Variants in XKR9 observed in about 807,000 individuals in gnomAD.
XKR9 encodes XK related 9.
A neutral mutation model predicts 32.0 loss-of-function variants in XKR9; 32 were observed. That is an observed-to-expected ratio of 1.00 (90% CI 0.76 to 1.34). The LOEUF (loss-of-function observed/expected upper bound fraction) is 1.34, where lower values mean the gene tolerates loss of function less well. Among genes scored for constraint, XKR9 ranks in the 40% most tolerant of loss-of-function variants. The probability of loss-of-function intolerance (pLI) is 0.00; values close to 1 mark genes in which losing one functional copy is unlikely to be tolerated. For synonymous variants in XKR9, 168 were observed against 143.4 expected (o/e 1.17, Z -1.22); for missense variants, 546 against 429.7 (o/e 1.27, Z -2.39).
At chr8:70,712,479 C>T (rs1805951508) in intron 4 of XKR9, among the ~76,000 whole-genome samples, 1 of 152,040 alleles carries the variant, frequency 6.6e-6, no homozygotes, top group Non-Finnish European at 1.5e-5. Context: ...TCAGGGTCCT[C>T]ACAACCTTGG....
the XKR9 span, among the ~76,000 whole-genome samples, chr8:70,901,409 G>A: frequency 6.6e-6 from 1 of 152,174 alleles, no homozygotes; most frequent in Admixed American, 6.5e-5. Context: ...CTGATGGCCA[G>A]TGATGATGAG....
the XKR9 span, among the ~76,000 whole-genome samples, chr8:70,975,032 G>T: frequency 1.3e-5 from 2 of 152,172 alleles, no homozygotes; most frequent in African/African-American, 2.4e-5. Context: ...CTGCATAGAT[G>T]TCTTCTTTTG....
chr8:70,774,768 G>C (rs1004193465), intron 2 of XKR9, among the ~76,000 whole-genome samples: 2 of 152,250 alleles, frequency 1.3e-5, no homozygotes, highest in South Asian at 2.1e-4. Flanking sequence ...CCTTAGGCTA[G>C]TGCACACTGT....
chr8:70,732,369 A>G (rs557170620), intron 4 of XKR9, among the ~76,000 whole-genome samples: 2 of 152,220 alleles, frequency 1.3e-5, no homozygotes, highest in Non-Finnish European at 2.9e-5. Flanking sequence ...TTTCCGTATT[A>G]CAATTAAATC....
At chr8:70,818,978 C>T in the XKR9 span, among the ~76,000 whole-genome samples, 2 of 152,170 alleles carry the variant, frequency 1.3e-5, no homozygotes, top group Non-Finnish European at 2.9e-5. Flanking sequence ...TAGTAATGTG[C>T]CTCTAAGGAC....
chr8:70,901,035 C>T, the XKR9 span, among the ~76,000 whole-genome samples: 6 of 152,184 alleles, frequency 3.9e-5, no homozygotes, highest in African/African-American at 9.7e-5. Context: ...ATATGTGCCA[C>T]GTTTTCTTAA....
At chr8:70,876,214 C>T in the XKR9 span, among the ~76,000 whole-genome samples, 2 of 134,562 alleles carry the variant, frequency 1.5e-5, no homozygotes, top group Non-Finnish European at 1.5e-5. Context: ...TCAGAAGATT[C>T]GTTCTTTTTT....
the XKR9 span, among the ~76,000 whole-genome samples, chr8:70,938,895 GTT>G: frequency 1.3e-5 from 2 of 151,250 alleles, no homozygotes; most frequent in East Asian, 1.9e-4. Context: ...CAGCTGTAGT[GTT>G]TCATGATGTC....
the XKR9 span, among the ~76,000 whole-genome samples, chr8:70,887,894 T>C: frequency 6.6e-6 from 1 of 152,140 alleles, no homozygotes; most frequent in Non-Finnish European, 1.5e-5. Context: ...CTTCCTCTCT[T>C]CCTATTTGAA....
chr8:70,728,183 G>T (rs1040991425), intron 4 of XKR9, among the ~76,000 whole-genome samples: 2 of 152,160 alleles, frequency 1.3e-5, no homozygotes, highest in Admixed American at 6.5e-5. Context: ...GATGGAGTTG[G>T]TTAGGTCAGG....
the XKR9 span, among the ~76,000 whole-genome samples, chr8:70,865,500 C>A: frequency 1.3e-5 from 2 of 151,054 alleles, no homozygotes; most frequent in Non-Finnish European, 2.9e-5. Flanking sequence ...AATAATTTTG[C>A]AATTGTATTT....
At chr8:70,948,483 T>C in the XKR9 span, among the ~76,000 whole-genome samples, 1 of 151,982 alleles carries the variant, frequency 6.6e-6, no homozygotes, top group Non-Finnish European at 1.5e-5. Flanking sequence ...GTTGGTTCTC[T>C]CCAAAGCTGA....
intron 4 of XKR9, among the ~76,000 whole-genome samples, chr8:70,708,444 A>T (rs375419621): frequency 2.4e-4 from 36 of 152,226 alleles, no homozygotes; most frequent in African/African-American, 8.4e-4. Flanking sequence ...ATATAATTCA[A>T]TTGTCTAACA....
chr8:70,841,021 A>G, the XKR9 span, among the ~76,000 whole-genome samples: 1 of 152,168 alleles, frequency 6.6e-6, no homozygotes, highest in South Asian at 2.1e-4. Flanking sequence ...TTATGTTTCC[A>G]TTTTACAAAA....
the XKR9 span, among the ~76,000 whole-genome samples, chr8:70,921,593 A>G: frequency 6.6e-6 from 1 of 152,200 alleles, no homozygotes; most frequent in Non-Finnish European, 1.5e-5. Flanking sequence ...TCCCACAGGT[A>G]CTTTCAGTTG....
At chr8:70,921,214 C>T in the XKR9 span, among the ~76,000 whole-genome samples, 1 of 152,202 alleles carries the variant, frequency 6.6e-6, no homozygotes, top group African/African-American at 2.4e-5. Flanking sequence ...TCCTTGCCAG[C>T]CACCCAAGTT....
rs1212936812 is a variant in XKR9, at chr8:70,696,251, C to T, written c.273-10682C>T. 1.2e-4 allele frequency among the ~76,000 whole-genome samples: 18 copies of T among 152,222 alleles called. No homozygotes were observed. The South Asian group carries it at 1.7e-3, about 14-fold the overall frequency. On this transcript the variant is annotated intron_variant, in intron 3 of 4. Coordinates refer to ENST00000408926, the MANE Select transcript of XKR9 (RefSeq NM_001011720.2). ...CTTTTGGTGTTTTAGACATGAAGTC[C>T]TTGCCCATGCCTATGTCCTGAATGG...
At chr8:70,865,025 C>A in the XKR9 span, among the ~76,000 whole-genome samples, 1 of 152,148 alleles carries the variant, frequency 6.6e-6, no homozygotes, top group African/African-American at 2.4e-5. Flanking sequence ...GGCATCCTGA[C>A]ATCTCTTTCT....
At chr8:70,997,933 T>C in the XKR9 span, among the ~76,000 whole-genome samples, 1 of 152,264 alleles carries the variant, frequency 6.6e-6, no homozygotes, top group East Asian at 1.9e-4. Flanking sequence ...AGGAAATATA[T>C]TTTAGGCCAT....
Sources: gnomAD v4.1 joint callset for allele counts (sites outside exome capture counted in the v4.1 genomes callset) on GRCh38, gnomAD v4.1.1 for gene constraint, MANE v1.5 for transcripts, NCBI Gene and HGNC (gene_info 2026-07-23, HGNC 2026-07-21) for gene names.